FHIT: variants seen among roughly 807,000 people sequenced by gnomAD.
FHIT encodes the protein bis(5'-adenosyl)-triphosphatase.
FHIT carries 19 observed loss-of-function variants against 17.9 expected under a neutral mutation model. That is an observed-to-expected ratio of 1.06 (90% CI 0.74 to 1.56). FHIT has a LOEUF of 1.56. FHIT is among the 40% of genes most tolerant of loss of function. FHIT has a pLI of 0.00. For missense variants in FHIT, 248 were observed against 189.2 expected, an observed-to-expected ratio of 1.31 and a Z score of -1.82; for synonymous variants, 81 against 69.7, an observed-to-expected ratio of 1.16 and a Z score of -0.81.
intron 3 of FHIT, among the ~76,000 whole-genome samples, chr3:60,988,209 T>C (rs1251558124): frequency 1.3e-5 from 2 of 152,332 alleles, no homozygotes; most frequent in East Asian, 1.9e-4. Flanking sequence ...ATATAGCAGA[T>C]GACAATTGCT....
chr3:60,465,925 T>G (rs2032764345), intron 5 of FHIT, among the ~76,000 whole-genome samples: 1 of 152,090 alleles, frequency 6.6e-6, no homozygotes, highest in Non-Finnish European at 1.5e-5. Flanking sequence ...TCATGAAGAA[T>G]GTCATTGGTA....
chr3:60,714,440 T>G (rs377323560), intron 4 of FHIT, among the ~76,000 whole-genome samples: 2 of 152,094 alleles, frequency 1.3e-5, no homozygotes, highest in Admixed American at 6.5e-5. Flanking sequence ...CCAGGGCAAT[T>G]AGGCAGGAGG....
At chr3:60,039,750 C>T (rs754827962) in intron 5 of FHIT, among the ~76,000 whole-genome samples, 3 of 152,184 alleles carry the variant, frequency 2.0e-5, no homozygotes, top group Non-Finnish European at 2.9e-5. Context: ...AAGATAGTAT[C>T]TCAGGCAGTG....
chr3:60,125,646 A>G (rs866315089), intron 5 of FHIT, among the ~76,000 whole-genome samples: 1 of 148,076 alleles, frequency 6.8e-6, no homozygotes, highest in African/African-American at 2.5e-5. Flanking sequence ...ATATATACAT[A>G]TGTGTGTATG....
chr3:60,233,121 T>C (rs1438463216), intron 5 of FHIT, among the ~76,000 whole-genome samples: 2 of 152,144 alleles, frequency 1.3e-5, no homozygotes, highest in Non-Finnish European at 2.9e-5. Flanking sequence ...ATGGGTACAT[T>C]GGGAGTCACT....
intron 5 of FHIT, among the ~76,000 whole-genome samples, chr3:60,320,526 TG>T (rs1709378245): frequency 3.3e-5 from 5 of 152,032 alleles, no homozygotes; most frequent in Non-Finnish European, 7.3e-5. Flanking sequence ...CATCTTACTC[TG>T]TTTTAATTCA....
intron 3 of FHIT, among the ~76,000 whole-genome samples, chr3:60,831,925 G>GA: frequency 6.6e-6 from 1 of 151,948 alleles, no homozygotes; most frequent in East Asian, 1.9e-4. Context: ...TTGTATAATG[G>GA]AAAAAAATCT....
chr3:61,040,971 G>GCCTCCCCTT (rs1246717277), intron 3 of FHIT, among the ~76,000 whole-genome samples: 2 of 152,130 alleles, frequency 1.3e-5, no homozygotes, highest in Non-Finnish European at 2.9e-5. Context: ...CATTTTCCCT[G>GCCTCCCCTT]CCTCCCCTTC....
intron 8 of FHIT, among the ~76,000 whole-genome samples, chr3:59,776,584 A>C (rs1433749849): frequency 6.6e-6 from 1 of 152,186 alleles, no homozygotes; most frequent in Non-Finnish European, 1.5e-5. Flanking sequence ...TGAAAAAAGA[A>C]CCATGTGCCC....
intron 4 of FHIT, among the ~76,000 whole-genome samples, chr3:60,656,008 G>C (rs2040105903): frequency 6.6e-6 from 1 of 152,174 alleles, no homozygotes; most frequent in South Asian, 2.1e-4. Flanking sequence ...TGTGTTCACA[G>C]AAAAGGTTGG....
intron 4 of FHIT, among the ~76,000 whole-genome samples, chr3:60,584,824 A>C (rs1173137565): frequency 6.6e-6 from 1 of 151,936 alleles, no homozygotes; most frequent in Admixed American, 6.6e-5. Flanking sequence ...GATCCTTACA[A>C]TGTAATATCT....
intron 4 of FHIT, among the ~76,000 whole-genome samples, chr3:60,582,492 C>T (rs954538802): frequency 6.6e-6 from 1 of 152,056 alleles, no homozygotes; most frequent in African/African-American, 2.4e-5. Flanking sequence ...CACTGGAGGG[C>T]AGTCTCCTCT....
intron 5 of FHIT, among the ~76,000 whole-genome samples, chr3:60,446,328 T>C (rs753187663): frequency 6.6e-6 from 1 of 152,152 alleles, no homozygotes; most frequent in Non-Finnish European, 1.5e-5. Flanking sequence ...CTCTGCATGA[T>C]GGTATCTCCC....
At chr3:59,917,942 C>T (rs1009512143) in intron 8 of FHIT, among the ~76,000 whole-genome samples, 1 of 152,234 alleles carries the variant, frequency 6.6e-6, no homozygotes, top group African/African-American at 2.4e-5. Flanking sequence ...GCCTATCAGA[C>T]TTGCTTAGCA....
intron 5 of FHIT, among the ~76,000 whole-genome samples, chr3:60,103,524 T>C (rs1462008673): frequency 6.6e-6 from 1 of 151,976 alleles, no homozygotes; most frequent in Non-Finnish European, 1.5e-5. Flanking sequence ...TCTATGGGAG[T>C]GACCAGGAGC....
At chr3:59,812,138 G>A (rs1700429066) in intron 8 of FHIT, among the ~76,000 whole-genome samples, 1 of 152,124 alleles carries the variant, frequency 6.6e-6, no homozygotes, top group Non-Finnish European at 1.5e-5. Context: ...AGTGAGCAGA[G>A]ACTAGGAATG....
rs189239813 is a variant in FHIT, at chr3:60,044,586, T to C, written c.104-30434A>G. On this transcript the variant is annotated intron_variant, in intron 5 of 9. Transcript: ENST00000492590. ...AGGAGGAGAAAGAACAACAATGATA[T>C]CATGGTAAAGGCCTGTAGAAATTGA... 8.6e-3 allele frequency among the ~76,000 whole-genome samples: 1,314 copies of C among 152,128 alleles called. 30 individuals are homozygous for C. Among genetic ancestry groups the C allele is most frequent in the South Asian group, 0.072 (344 of 4,806 alleles).
chr3:60,736,789 A>G (rs559573783), intron 4 of FHIT, among the ~76,000 whole-genome samples: 2 of 152,240 alleles, frequency 1.3e-5, no homozygotes, highest in African/African-American at 2.4e-5. Flanking sequence ...ACATTGTGCT[A>G]TGTGAATTAT....
At chr3:61,069,351 A>C (rs1177662621) in intron 2 of FHIT, among the ~76,000 whole-genome samples, 1 of 152,204 alleles carries the variant, frequency 6.6e-6, no homozygotes, top group East Asian at 1.9e-4. Flanking sequence ...GAGCTTTAAA[A>C]AGCGCTGATG....
Sources: gnomAD v4.1 joint callset for allele counts (sites outside exome capture counted in the v4.1 genomes callset) on GRCh38, gnomAD v4.1.1 for gene constraint, MANE v1.5 for transcripts, NCBI Gene and HGNC (gene_info 2026-07-23, HGNC 2026-07-21) for gene names.